Variants in SMYD3 observed in about 807,000 individuals in gnomAD.
SMYD3 encodes SET and MYND domain containing 3, also known as histone-lysine N-methyltransferase SMYD3.
Under a neutral mutation model 57.7 loss-of-function variants are expected in SMYD3, and 36 were observed. The observed-to-expected ratio is 0.62, with a 90% CI of 0.48 to 0.82. The LOEUF (loss-of-function observed/expected upper bound fraction) is 0.82, where lower values mean the gene tolerates loss of function less well. SMYD3 is among the 40% of genes least tolerant of loss of function. SMYD3 has a pLI of 0.00. For synonymous variants in SMYD3, 211 were observed against 195.0 expected, an observed-to-expected ratio of 1.08 and a Z score of -0.68; for missense variants, 515 against 538.8, an observed-to-expected ratio of 0.96 and a Z score of 0.44.
chr1:245,928,566 C>G (rs1398592948), intron 6 of SMYD3, among the ~76,000 whole-genome samples: 1 of 152,016 alleles, frequency 6.6e-6, no homozygotes, highest in East Asian at 1.9e-4. Context: ...CCTAGCTACT[C>G]AGGAGGTGGA....
chr1:246,329,230 G>A (rs1432708966), intron 4 of SMYD3, among the ~76,000 whole-genome samples: 1 of 152,106 alleles, frequency 6.6e-6, no homozygotes, highest in Non-Finnish European at 1.5e-5. Flanking sequence ...TGGGTCAAAT[G>A]GTATTTCTAG....
chr1:246,471,530 A>G (rs2067962502), intron 1 of SMYD3, among the ~76,000 whole-genome samples: 1 of 152,246 alleles, frequency 6.6e-6, no homozygotes, highest in Admixed American at 6.5e-5. Context: ...TTAACCTGTC[A>G]TCTTTAATTT....
chr1:245,883,962 G>C (rs1456452413), intron 8 of SMYD3, among the ~76,000 whole-genome samples: 1 of 151,994 alleles, frequency 6.6e-6, no homozygotes, highest in Non-Finnish European at 1.5e-5. Context: ...TTTTCCTTTA[G>C]CGGTAGGATG....
chr1:245,891,016 T>G (rs1219147585), intron 8 of SMYD3, among the ~76,000 whole-genome samples: 1 of 152,188 alleles, frequency 6.6e-6, no homozygotes, highest in African/African-American at 2.4e-5. Flanking sequence ...AGCTAAAAAT[T>G]AAAAGAATTT....
chr1:246,115,653 G>A (rs2061330769), intron 5 of SMYD3, among the ~76,000 whole-genome samples: 1 of 152,146 alleles, frequency 6.6e-6, no homozygotes. Context: ...CATTTTCACT[G>A]GACAGTTGTC....
At chr1:246,123,985 T>C (rs1490546692) in intron 5 of SMYD3, among the ~76,000 whole-genome samples, 3 of 152,214 alleles carry the variant, frequency 2.0e-5, no homozygotes, top group Admixed American at 6.5e-5. Flanking sequence ...TCTACGAATA[T>C]ACCACATTTT....
intron 1 of SMYD3, among the ~76,000 whole-genome samples, chr1:246,412,549 C>A (rs1248205842): frequency 1.4e-5 from 2 of 146,356 alleles, no homozygotes; most frequent in African/African-American, 2.5e-5. Context: ...TTTTTTTTTT[C>A]AGTAAACTAA....
chr1:246,283,711 C>T (rs917323040), intron 5 of SMYD3, among the ~76,000 whole-genome samples: 4 of 152,124 alleles, frequency 2.6e-5, no homozygotes, highest in Non-Finnish European at 5.9e-5. Flanking sequence ...ACATCTAAAG[C>T]CCAAGATCAT....
intron 10 of SMYD3, among the ~76,000 whole-genome samples, chr1:245,765,031 C>T (rs2046011815): frequency 1.4e-5 from 2 of 144,152 alleles, no homozygotes; most frequent in Non-Finnish European, 3.0e-5. Context: ...AGAATTGTCT[C>T]TGGTGGAAAT....
At chr1:245,909,038 A>G (rs565881177) in intron 8 of SMYD3, among the ~76,000 whole-genome samples, 1 of 152,290 alleles carries the variant, frequency 6.6e-6, no homozygotes, top group African/African-American at 2.4e-5. Flanking sequence ...AGTTTTTTGA[A>G]AAGATAAACA....
intron 5 of SMYD3, among the ~76,000 whole-genome samples, chr1:246,119,797 T>C (rs2061397641): frequency 6.6e-6 from 1 of 152,222 alleles, no homozygotes; most frequent in Non-Finnish European, 1.5e-5. Context: ...TCCTGCCATG[T>C]ACGACATACA....
chr1:245,874,379 G>C (rs767617922), intron 8 of SMYD3, among the ~76,000 whole-genome samples: 12 of 152,208 alleles, frequency 7.9e-5, no homozygotes, highest in Non-Finnish European at 1.3e-4. Context: ...TGAATTAAAG[G>C]AATAGTTTAG....
At chr1:245,848,165 A>G (rs2050761168) in intron 10 of SMYD3, among the ~76,000 whole-genome samples, 1 of 151,976 alleles carries the variant, frequency 6.6e-6, no homozygotes, top group South Asian at 2.1e-4. Context: ...AGTGGTATGA[A>G]CATGGTTCAC....
rs1003566487 is a variant in SMYD3, at chr1:246,170,609, G to A, written c.531+156592C>T. On this transcript the variant is annotated intron_variant, in intron 5 of 11. Transcript: ENST00000490107. ...AATATAAATCAATTTACACAAAAAC[G>A]GTAGTAATACAAGACTGCCTGTCTT... is the stretch of plus-strand genomic sequence containing the variant. Among the ~76,000 whole-genome samples, 16 of 151,852 alleles carry A rather than the reference G, an allele frequency of 1.1e-4. No homozygotes were observed. The South Asian group carries it at 2.1e-3, about 20-fold the overall frequency.
chr1:246,224,383 G>A (rs2063299252), intron 5 of SMYD3, among the ~76,000 whole-genome samples: 1 of 152,012 alleles, frequency 6.6e-6, no homozygotes, highest in African/African-American at 2.4e-5. Flanking sequence ...GTAGGTTAAA[G>A]GGACAGAAAG....
chr1:246,243,335 A>G (rs941983512), intron 5 of SMYD3, among the ~76,000 whole-genome samples: 6 of 130,206 alleles, frequency 4.6e-5, no homozygotes, highest in African/African-American at 1.7e-4. Context: ...TATATTTTCT[A>G]TGGAGTTCTA....
intron 10 of SMYD3, among the ~76,000 whole-genome samples, chr1:245,771,765 T>C (rs2046348968): frequency 6.6e-6 from 1 of 152,206 alleles, no homozygotes; most frequent in Admixed American, 6.5e-5. Flanking sequence ...AGCTGTTTTA[T>C]GGAAGTTATT....
chr1:246,138,157 T>G (rs1416083242), intron 5 of SMYD3, among the ~76,000 whole-genome samples: 6 of 152,130 alleles, frequency 3.9e-5, no homozygotes. Flanking sequence ...AGGGACTAAA[T>G]TTACACATAG....
chr1:246,000,123 T>C (rs558036231), intron 5 of SMYD3, among the ~76,000 whole-genome samples: 2 of 152,358 alleles, frequency 1.3e-5, no homozygotes, highest in South Asian at 2.1e-4. Flanking sequence ...AGAATAAAAA[T>C]TCGTGATGAT....
Sources: gnomAD v4.1 joint callset for allele counts (sites outside exome capture counted in the v4.1 genomes callset) on GRCh38, gnomAD v4.1.1 for gene constraint, MANE v1.5 for transcripts, NCBI Gene and HGNC (gene_info 2026-07-23, HGNC 2026-07-21) for gene names.